NADSYN1: variants seen among roughly 807,000 people sequenced by gnomAD.
The protein encoded by NADSYN1 is glutamine-dependent NAD(+) synthetase.
Under a neutral mutation model 99.3 loss-of-function variants are expected in NADSYN1, and 80 were observed. The ratio of observed to expected loss-of-function variants is 0.81; its 90% CI spans 0.67 to 0.97. NADSYN1 has a LOEUF of 0.97. NADSYN1 is among the 50% of genes least tolerant of loss of function. NADSYN1 has a pLI of 0.00. For missense variants in NADSYN1, 859 were observed against 948.5 expected (o/e 0.91, Z 1.24); for synonymous variants, 385 against 372.1 (o/e 1.03, Z -0.40).
intron 18 of NADSYN1, among the ~76,000 whole-genome samples, chr11:71,495,149 G>T (rs1949811077): frequency 6.6e-6 from 1 of 151,916 alleles, no homozygotes; most frequent in Non-Finnish European, 1.5e-5. Flanking sequence ...TCTTTTTTAA[G>T]GTAGGTGTTT....
At chr11:71,472,420 C>T (rs749027096) in intron 5 of NADSYN1, 29 bp from the exon 6 acceptor site, 2 of 1,565,226 alleles carry the variant, frequency 1.3e-6, no homozygotes, top group South Asian at 1.1e-5. Flanking sequence ...AGATGCTCAT[C>T]CTCAGCTCCT....
intron 4 of NADSYN1, among the ~76,000 whole-genome samples, chr11:71,463,751 T>C (rs1056615049): frequency 1.3e-5 from 2 of 151,886 alleles, no homozygotes; most frequent in Non-Finnish European, 2.9e-5. Flanking sequence ...ACACAGGTCC[T>C]TGTGGCCTGG....
At chr11:71,463,306 C>T (rs1237852906) in intron 3 of NADSYN1, 126 bp from the exon 4 acceptor site, 17 of 843,272 alleles carry the variant, frequency 2.0e-5, no homozygotes, top group Admixed American at 8.8e-5. Flanking sequence ...TGCAGTTCTC[C>T]GAAGGGATCG....
At chr11:71,476,815 C>G (rs192112080) in intron 9 of NADSYN1, 39 of 985,678 alleles carry the variant, frequency 4.0e-5, no homozygotes, top group Non-Finnish European at 4.3e-5. Context: ...GGTTCCCGGC[C>G]CCACATCAAG....
chr11:71,500,464 G>A (rs571216812), intron 20 of NADSYN1, among the ~76,000 whole-genome samples: 8 of 152,296 alleles, frequency 5.3e-5, no homozygotes, highest in East Asian at 1.9e-4. Flanking sequence ...CCAGCATCCC[G>A]TGGGTGGAGC....
chr11:71,470,799 T>A (rs1949621703), intron 5 of NADSYN1, among the ~76,000 whole-genome samples: 2 of 152,244 alleles, frequency 1.3e-5, no homozygotes, highest in African/African-American at 4.8e-5. Flanking sequence ...GCTTCTGTTC[T>A]GTTCTTCAGG....
intron 18 of NADSYN1, among the ~76,000 whole-genome samples, chr11:71,493,444 G>GAT (rs1949797373): frequency 6.6e-6 from 1 of 152,124 alleles, no homozygotes; most frequent in South Asian, 2.1e-4. Context: ...ACCTCCTTAA[G>GAT]ATTCCGATTT....
chr11:71,497,879 G>A (rs1949830710), intron 19 of NADSYN1, among the ~76,000 whole-genome samples: 1 of 152,228 alleles, frequency 6.6e-6, no homozygotes, highest in Admixed American at 6.5e-5. Context: ...AAACTTCAGG[G>A]TCAGAATAGT....
At position 71,465,639 on chromosome 11, in the gene NADSYN1, A is replaced by G. The variant is rs192908291; in HGVS notation, c.407+1497A>G. Reference sequence around the variant, plus strand: ...ATGCTCCCAGTTGTGACAACCAAAAATGTCCCCAGACATTACCAGATGTCC... The same window carrying G: ...ATGCTCCCAGTTGTGACAACCAAAAGTGTCCCCAGACATTACCAGATGTCC... On this transcript the variant is annotated intron_variant, in intron 5 of 20. Transcript: ENST00000319023. 1.7e-3 allele frequency among the ~76,000 whole-genome samples: 256 copies of G among 152,316 alleles called. 2 individuals carry two copies. The highest frequency in any genetic ancestry group is 6.0e-3 in the African/African-American group (248 of 41,550).
rs909150191 is a variant in NADSYN1, at chr11:71,490,782, G to A, written c.1563-63G>A. On this transcript the variant is annotated intron_variant, in intron 16 of 20. Transcript: ENST00000319023. ...CCCTGGAAGAAGCGACTCCCTGGCT[G>A]GCCAGGGTTGATGGAGTCTGCGGCC... The A allele has an allele frequency of 7.2e-5, 114 of 1,588,256 alleles. 1 individual carries two copies. In the East Asian group the frequency reaches 2.4e-3, roughly 34 times the overall value.
intron 13 of NADSYN1, among the ~76,000 whole-genome samples, chr11:71,482,386 T>C (rs1421348756): frequency 1.3e-5 from 2 of 152,200 alleles, no homozygotes; most frequent in Non-Finnish European, 2.9e-5. Context: ...GCGGTGATGA[T>C]GCCCGATGGA....
chr11:71,464,664 GA>G (rs779463515), intron 5 of NADSYN1, among the ~76,000 whole-genome samples: 2 of 151,994 alleles, frequency 1.3e-5, no homozygotes, highest in African/African-American at 2.4e-5. Flanking sequence ...TCAGGAGATC[GA>G]GACCATCCTG....
chr11:71,476,069 G>A, intron 9 of NADSYN1: 1 of 456,276 alleles, frequency 2.2e-6, no homozygotes, highest in Non-Finnish European at 4.4e-6. Flanking sequence ...GCCACAAATG[G>A]AAACAAATCC....
At chr11:71,474,656 C>T (rs1416577224) in intron 9 of NADSYN1, 130 bp downstream of exon 9, 1 of 1,232,578 alleles carries the variant, frequency 8.1e-7, no homozygotes, top group Non-Finnish European at 1.2e-6. Context: ...CCGCCTGCTC[C>T]TGGCTCTCCC....
Position 71,464,103 on chromosome 11 carries a change from A to G in NADSYN1, c.368A>G (p.Tyr123Cys). The G allele has an allele frequency of 1.2e-6, 2 of 1,612,384 alleles. No homozygotes were observed. The highest frequency in any genetic ancestry group is 2.2e-5 in the South Asian group (2 of 90,574). Residue 123 changes from tyrosine to cysteine, a missense_variant, in exon 5 of 21, where the codon TAC becomes TGC. Coordinates refer to ENST00000319023, the MANE Select transcript of NADSYN1 (RefSeq NM_018161.5). ...ATGGCCTTGGCCAATGAAGGCAACT[A>G]CCGCGAGCTGCGCTGGTTCACCCCG... ...PKMALANEGN[Y>C]RELRWFTPWS...
intron 16 of NADSYN1, among the ~76,000 whole-genome samples, chr11:71,490,573 GCTCT>G (rs1949771854): frequency 2.0e-5 from 3 of 152,152 alleles, no homozygotes; most frequent in Non-Finnish European, 4.4e-5. Context: ...CTGTCCCTCA[GCTCT>G]GTTCAGACGA....
chr11:71,482,013 G>T lies in NADSYN1; in HGVS notation c.1138G>T (p.Val380Leu). 6.2e-7 allele frequency: 1 copy of T among 1,610,486 alleles called. No homozygotes were observed. Among genetic ancestry groups the T allele is most frequent in the Non-Finnish European group, 8.5e-7 (1 of 1,178,404 alleles). ...CATGTGCTGCCAGGTCTGCGAGGCC[G>T]TGAGGAGTGGAAGTAGGTGACATCT... ...YSMCCQVCEA[V>L]RSGNEEVLAD... Residue 380 changes from valine (V) to leucine (L), a missense_variant, in exon 13 of 21, where the codon GTG (valine) becomes TTG (leucine). Val to Leu is a conservative substitution (Grantham distance 32). Transcript: ENST00000319023.
At chr11:71,457,005 G>T (rs1949518711) in intron 2 of NADSYN1, among the ~76,000 whole-genome samples, 1 of 152,266 alleles carries the variant, frequency 6.6e-6, no homozygotes. Context: ...CTTTGAGCTG[G>T]TGCTGGAAGC....
At chr11:71,485,474 T>C (rs887657111) in intron 15 of NADSYN1, 68 bp from the exon 16 acceptor site, 29 of 1,212,244 alleles carry the variant, frequency 2.4e-5, no homozygotes, top group African/African-American at 1.4e-4. Context: ...TTCAAGAGTT[T>C]GTGGGTGTGC....
Sources: allele counts gnomAD v4.1 joint callset (sites outside exome capture counted in the v4.1 genomes callset), GRCh38; gene constraint gnomAD v4.1.1; transcripts MANE v1.5; gene names NCBI Gene and HGNC (gene_info 2026-07-23, HGNC 2026-07-21).